The following BLTP3B variants were observed in gnomAD, a reference collection of about 807,000 sequenced individuals.
BLTP3B encodes bridge-like lipid transfer protein family member 3B.
the BLTP3B span, among the ~76,000 whole-genome samples, chr12:100,063,979 T>C: frequency 4.6e-5 from 7 of 152,148 alleles, no homozygotes; most frequent in Non-Finnish European, 1.0e-4. Context: ...AGGTTAGTTA[T>C]TAGGCTAATC....
the BLTP3B span, among the ~76,000 whole-genome samples, chr12:100,107,407 G>A: frequency 1.3e-5 from 2 of 151,416 alleles, no homozygotes; most frequent in South Asian, 4.2e-4. Flanking sequence ...GGCTGGGCAC[G>A]GGCGGATCAC....
chr12:100,084,482 G>C, the BLTP3B span: 2 of 1,612,202 alleles, frequency 1.2e-6, no homozygotes, highest in Admixed American at 3.4e-5. Context: ...ATACCTGTTT[G>C]TGTGTGCTGG....
At chr12:100,111,607 GTTTGT>G in the BLTP3B span, among the ~76,000 whole-genome samples, 7 of 150,968 alleles carry the variant, frequency 4.6e-5, no homozygotes, top group African/African-American at 1.2e-4. Flanking sequence ...TTTTTTGTTT[GTTTGT>G]TTTGTTTTGT....
At chr12:100,091,183 A>ATT in the BLTP3B span, among the ~76,000 whole-genome samples, 325 of 81,242 alleles carry the variant, frequency 4.0e-3, 47 homozygotes, top group East Asian at 0.086. Context: ...CGCCTGGCTA[A>ATT]TTTTTTTTTT....
At chr12:100,084,403 C>G in the BLTP3B span, 1 of 1,230,928 alleles carries the variant, frequency 8.1e-7, no homozygotes, top group Non-Finnish European at 1.2e-6. Context: ...CACACACACA[C>G]ACACACACAC....
the BLTP3B span, among the ~76,000 whole-genome samples, chr12:100,087,369 T>A: frequency 6.6e-6 from 1 of 152,136 alleles, no homozygotes. Flanking sequence ...CTCCCTATAT[T>A]AATTTGTAAA....
chr12:100,108,441 T>C, the BLTP3B span: 1 of 1,613,476 alleles, frequency 6.2e-7, no homozygotes, highest in East Asian at 2.2e-5. Flanking sequence ...TGTTGGCAAA[T>C]CCAACATATT....
the BLTP3B span, among the ~76,000 whole-genome samples, chr12:100,105,154 G>A: frequency 6.6e-6 from 1 of 151,972 alleles, no homozygotes. Flanking sequence ...ACTTCATATG[G>A]AACCAAAAAA....
the BLTP3B span, among the ~76,000 whole-genome samples, chr12:100,116,169 C>CAAAA: frequency 5.0e-4 from 54 of 107,048 alleles, no homozygotes; most frequent in East Asian, 5.1e-3. Flanking sequence ...GAGACTGTCT[C>CAAAA]AAAAAAAAAA....
the BLTP3B span, among the ~76,000 whole-genome samples, chr12:100,098,987 C>A: frequency 4.5e-5 from 6 of 134,590 alleles, no homozygotes; most frequent in Non-Finnish European, 9.3e-5. Context: ...ATTTGCACGT[C>A]ACCATTTTAT....
chr12:100,072,703 T>C, the BLTP3B span: 1 of 1,585,956 alleles, frequency 6.3e-7, no homozygotes, highest in Non-Finnish European at 8.5e-7. Flanking sequence ...GATAGTAATA[T>C]TCTGTGAATT....
the BLTP3B span, among the ~76,000 whole-genome samples, chr12:100,069,108 AG>A: frequency 1.3e-5 from 2 of 152,296 alleles, no homozygotes; most frequent in Non-Finnish European, 2.9e-5. Context: ...GCTACTCAGG[AG>A]GCTGAGGGAG....
chr12:100,092,874 T>C, the BLTP3B span: 2 of 982,830 alleles, frequency 2.0e-6, no homozygotes, highest in Non-Finnish European at 2.4e-6. Context: ...TTCCTTATAC[T>C]TTTTCAGCTT....
chr12:100,058,799 A>C, the BLTP3B span: 3 of 1,613,888 alleles, frequency 1.9e-6, no homozygotes, highest in African/African-American at 1.3e-5. Flanking sequence ...GGAAAAGTAG[A>C]AGCAGATACT....
At chr12:100,042,476 A>G in the BLTP3B span, among the ~76,000 whole-genome samples, 1 of 152,178 alleles carries the variant, frequency 6.6e-6, no homozygotes, top group Non-Finnish European at 1.5e-5. Flanking sequence ...AAATAAACCC[A>G]TGTGTCTTTA....
chr12:100,095,659 T>C, the BLTP3B span: 4 of 1,596,366 alleles, frequency 2.5e-6, no homozygotes, highest in Non-Finnish European at 3.4e-6. Context: ...GTTAACTTTA[T>C]AGCTTACCTG....
the BLTP3B span, chr12:100,092,596 T>C: frequency 6.6e-6 from 1 of 152,254 alleles, no homozygotes; most frequent in African/African-American, 2.4e-5. Context: ...TTTATTAGCA[T>C]AGTGAGATTA....
the BLTP3B span, among the ~76,000 whole-genome samples, chr12:100,062,192 T>C: frequency 1.3e-5 from 2 of 152,242 alleles, no homozygotes; most frequent in Admixed American, 1.3e-4. Context: ...TTTCTGTTGT[T>C]TAAGCTGCAT....
At chr12:100,047,959 G>A in the BLTP3B span, 47 of 1,493,390 alleles carry the variant, frequency 3.1e-5, no homozygotes, top group South Asian at 6.9e-5. Context: ...ATTTATTTTC[G>A]TGTTAGAAAC....
Sources: gnomAD v4.1 joint callset for allele counts (sites outside exome capture counted in the v4.1 genomes callset) on GRCh38, gnomAD v4.1.1 for gene constraint, MANE v1.5 for transcripts, NCBI Gene and HGNC (gene_info 2026-07-23, HGNC 2026-07-21) for gene names.